The following MAGED1 variants were observed in gnomAD, a reference collection of about 807,000 sequenced individuals.
The protein encoded by MAGED1 is MAGE family member D1.
MAGED1 carries 3 observed loss-of-function variants against 54.1 expected under a neutral mutation model. The observed-to-expected ratio is 0.06, with a 90% CI of 0.03 to 0.14. MAGED1 has a LOEUF of 0.14. MAGED1 is among the 10% of genes least tolerant of loss of function. The probability of loss-of-function intolerance (pLI) is 1.00; values close to 1 mark genes in which losing one functional copy is unlikely to be tolerated. For missense variants in MAGED1, 485 were observed against 623.4 expected, an observed-to-expected ratio of 0.78 and a Z score of 2.36; for synonymous variants, 217 against 227.3, an observed-to-expected ratio of 0.95 and a Z score of 0.41.
intron 1 of MAGED1, among the ~76,000 whole-genome samples, chrX:51,864,845 GT>G (rs1276411902): frequency 8.9e-6 from 1 of 111,741 alleles, no homozygotes; most frequent in Non-Finnish European, 1.9e-5. Flanking sequence ...CTAATAGTTT[GT>G]TTTATGGAGT....
At chrX:51,823,336 T>C (rs1223554775) in intron 1 of MAGED1, among the ~76,000 whole-genome samples, 3 of 112,036 alleles carry the variant, frequency 2.7e-5, no homozygotes, top group African/African-American at 9.7e-5. Context: ...ATCATAGTTA[T>C]ATTTTTGTGA....
At chrX:51,901,159 C>T (rs1233371955) in intron 11 of MAGED1, among the ~76,000 whole-genome samples, 2 of 111,702 alleles carry the variant, frequency 1.8e-5, no homozygotes, top group African/African-American at 3.3e-5. Context: ...TCATGCTATA[C>T]GGTTGATCTC....
At chrX:51,888,243 A>T (rs1235614057) in intron 1 of MAGED1, among the ~76,000 whole-genome samples, 1 of 111,770 alleles carries the variant, frequency 8.9e-6, no homozygotes, top group Non-Finnish European at 1.9e-5. Context: ...CTGTATCAAA[A>T]CGTCTCATGT....
intron 1 of MAGED1, among the ~76,000 whole-genome samples, chrX:51,819,575 A>G (rs782603055): frequency 1.8e-5 from 2 of 110,798 alleles, no homozygotes; most frequent in Non-Finnish European, 3.8e-5. Flanking sequence ...ACGTATTTCC[A>G]TGTCCTTATC....
chrX:51,820,915 C>T (rs782781979), intron 1 of MAGED1, among the ~76,000 whole-genome samples: 4 of 111,695 alleles, frequency 3.6e-5, no homozygotes, highest in African/African-American at 1.3e-4. Flanking sequence ...TCTTCCACCC[C>T]ACTTTTTCCC....
intron 1 of MAGED1, chrX:51,857,055 G>A (rs1927110709): frequency 9.0e-6 from 1 of 111,264 alleles, no homozygotes; most frequent in Non-Finnish European, 1.9e-5. Context: ...TTCAAGGGAG[G>A]TACCTCAGAG....
At position 51,900,240 on chromosome X, in the gene MAGED1, G is replaced by A; in HGVS notation, c.1903G>A (p.Gly635Ser). Residue 635 changes from glycine (G) to serine (S), a missense_variant, in exon 11 of 13, where the codon GGC (glycine) becomes AGC (serine). Transcript: ENST00000326587. ...CCCCCCGGAGTATGAGTTCCTCTGGGGCCTCCGTTCCTACCATGAGACTAG... is the reference window on the plus strand; with the variant it reads ...CCCCCCGGAGTATGAGTTCCTCTGGAGCCTCCGTTCCTACCATGAGACTAG... ...SNPPEYEFLW[G>S]LRSYHETSKM... 8.3e-7 allele frequency: 1 copy of A among 1,208,299 alleles called. No individual in the cohort carries two copies. Among genetic ancestry groups the A allele is most frequent in the Non-Finnish European group, 1.1e-6 (1 of 894,314 alleles).
At chrX:51,871,653 G>T (rs1240586835) in intron 1 of MAGED1, among the ~76,000 whole-genome samples, 3 of 111,349 alleles carry the variant, frequency 2.7e-5, no homozygotes, top group African/African-American at 9.8e-5. Flanking sequence ...GTGCCACATT[G>T]TCTTAATCCA....
intron 1 of MAGED1, among the ~76,000 whole-genome samples, chrX:51,834,585 C>CT (rs781987678): frequency 9.0e-5 from 10 of 111,127 alleles, no homozygotes; most frequent in East Asian, 5.6e-4. Flanking sequence ...AGGTTGTTTC[C>CT]TTTTTTTTAT....
intron 1 of MAGED1, among the ~76,000 whole-genome samples, chrX:51,829,738 A>G (rs12852833): frequency 0.12 from 13,374 of 111,354 alleles, 663 homozygotes; most frequent in Middle Eastern, 0.15. Flanking sequence ...AACAAGGACA[A>G]GGGACTGAAA....
intron 1 of MAGED1, among the ~76,000 whole-genome samples, chrX:51,813,303 G>T (rs1925296336): frequency 9.0e-6 from 1 of 111,092 alleles, no homozygotes; most frequent in Non-Finnish European, 1.9e-5. Flanking sequence ...GATTACAGGT[G>T]TGAGCCACCA....
chrX:51,829,421 A>C (rs1166321501), intron 1 of MAGED1, among the ~76,000 whole-genome samples: 1 of 110,521 alleles, frequency 9.0e-6, no homozygotes, highest in Non-Finnish European at 1.9e-5. Flanking sequence ...ATACATGGTG[A>C]TGGGACAATT....
At chrX:51,888,970 G>A (rs1303055851), upstream of MAGED1, among the ~76,000 whole-genome samples, 2 of 111,843 alleles carry the variant, frequency 1.8e-5, no homozygotes, top group Admixed American at 1.9e-4. Flanking sequence ...AGGGATGGGG[G>A]CGGTGGAGGA....
At chrX:51,848,258 A>T (rs1926757942) in intron 1 of MAGED1, among the ~76,000 whole-genome samples, 1 of 110,979 alleles carries the variant, frequency 9.0e-6, no homozygotes, top group South Asian at 3.8e-4. Flanking sequence ...TTATATATTT[A>T]TATACAATGG....
chrX:51,896,601 A>G lies in MAGED1; in HGVS notation c.946A>G (p.Thr316Ala). 2 of 1,211,386 alleles carry G rather than the reference A, an allele frequency of 1.7e-6. No homozygotes were observed. Among genetic ancestry groups the G allele is most frequent in the Non-Finnish European group, 2.2e-6 (2 of 895,433 alleles). ...CTGGCAAAACCAGACAGCCAGGCAG[A>G]CCCCACCAGCACGTCAGAGCCCTCC... ...SGWQNQTARQ[T>A]PPARQSPPAR... is the part of the protein sequence containing the mutation. The change falls in exon 4 of 13, where the codon ACC (threonine) becomes GCC (alanine). Residue 316 changes from threonine (T) to alanine (A), a missense_variant. Around this residue, in one of 2 missense-constraint regions of MAGED1, gnomAD observed 299 missense variants for 293.1 expected, o/e 1.02. Coordinates refer to ENST00000326587, the MANE Select transcript of MAGED1 (RefSeq NM_006986.4).
intron 1 of MAGED1, among the ~76,000 whole-genome samples, chrX:51,881,966 G>A (rs782292646): frequency 9.0e-6 from 1 of 111,431 alleles, no homozygotes; most frequent in South Asian, 3.8e-4. Flanking sequence ...GAGAGAAAAA[G>A]GTAATAGAAT....
chrX:51,846,916 A>G (rs1400426019), intron 1 of MAGED1, among the ~76,000 whole-genome samples: 1 of 111,835 alleles, frequency 8.9e-6, no homozygotes, highest in Non-Finnish European at 1.9e-5. Context: ...TTGGGTGGGA[A>G]CAGAGATCCA....
At chrX:51,886,639 C>CCA (rs1557362832) in intron 1 of MAGED1, among the ~76,000 whole-genome samples, 3 of 101,163 alleles carry the variant, frequency 3.0e-5, no homozygotes, top group East Asian at 6.0e-4. Context: ...CCAAAATCTA[C>CCA]AAAAAAAAAG....
chrX:51,891,032 G>T (rs1928420469), upstream of MAGED1, among the ~76,000 whole-genome samples: 1 of 112,051 alleles, frequency 8.9e-6, no homozygotes, highest in African/African-American at 3.2e-5. Flanking sequence ...ATGGGGGAAT[G>T]GTTAAATACA....
Sources: allele counts gnomAD v4.1 joint callset (sites outside exome capture counted in the v4.1 genomes callset), GRCh38; gene constraint gnomAD v4.1.1; regional missense constraint gnomAD v4.1.1; transcripts MANE v1.5; gene names NCBI Gene and HGNC (gene_info 2026-07-23, HGNC 2026-07-21).